IGFL2: variants seen among roughly 807,000 people sequenced by gnomAD.
IGFL2 encodes insulin growth factor-like family member 2.
IGFL2 carries 7 observed loss-of-function variants against 13.9 expected under a neutral mutation model. The ratio of observed to expected loss-of-function variants is 0.51; its 90% confidence interval spans 0.29 to 0.95. IGFL2 has a LOEUF of 0.95. Among genes scored for constraint, IGFL2 ranks in the 40% least tolerant of loss-of-function variants. The pLI is 0.08. For missense variants in IGFL2, 138 were observed against 147.8 expected (o/e 0.93, Z 0.34); for synonymous variants, 55 against 55.8 (o/e 0.99, Z 0.07).
the IGFL2 span, among the ~76,000 whole-genome samples, chr19:46,171,591 T>C: frequency 6.6e-6 from 1 of 152,238 alleles, no homozygotes; most frequent in African/African-American, 2.4e-5. Context: ...AACTGCCTTC[T>C]CTTCCTTGGA....
At chr19:46,128,028 A>G in the IGFL2 span, among the ~76,000 whole-genome samples, 1 of 152,094 alleles carries the variant, frequency 6.6e-6, no homozygotes, top group African/African-American at 2.4e-5. Context: ...TTCTCCTTGT[A>G]GAGATCTTTC....
chr19:46,176,208 C>G, the IGFL2 span, among the ~76,000 whole-genome samples: 1 of 148,314 alleles, frequency 6.7e-6, no homozygotes, highest in East Asian at 2.0e-4. Flanking sequence ...GAAAAGAAAA[C>G]TGGAGAAGGA....
intron 1 of IGFL2, among the ~76,000 whole-genome samples, chr19:46,151,996 T>A (rs1272451942): frequency 6.6e-6 from 1 of 152,218 alleles, no homozygotes; most frequent in East Asian, 1.9e-4. Context: ...GTCTTCCAAT[T>A]TGCGAACATG....
At chr19:46,160,504 A>C in intron 2 of IGFL2, 36 bp downstream of exon 2, 1 of 1,613,238 alleles carries the variant, frequency 6.2e-7, no homozygotes. Flanking sequence ...AAGAGGAAGG[A>C]GGCTGACTTT....
the IGFL2 span, chr19:46,212,735 C>G: frequency 6.6e-6 from 1 of 151,868 alleles, no homozygotes; most frequent in Non-Finnish European, 1.5e-5. Flanking sequence ...CTCTCTCTCT[C>G]TCCTCTCACT....
chr19:46,115,586 G>C, the IGFL2 span, among the ~76,000 whole-genome samples: 1 of 152,216 alleles, frequency 6.6e-6, no homozygotes, highest in Admixed American at 6.5e-5. Context: ...ACCTCAGCCT[G>C]ATTCAGATTC....
chr19:46,184,081 TATTTA>T, the IGFL2 span, among the ~76,000 whole-genome samples: 24 of 152,202 alleles, frequency 1.6e-4, no homozygotes, highest in Non-Finnish European at 5.9e-5. Context: ...GTTTTCTCAT[TATTTA>T]ATTCTAATTT....
the IGFL2 span, among the ~76,000 whole-genome samples, chr19:46,128,249 A>T: frequency 6.6e-6 from 1 of 152,046 alleles, no homozygotes; most frequent in Non-Finnish European, 1.5e-5. Context: ...TTTTGTGGAG[A>T]CTGTAGGGTT....
the IGFL2 span, among the ~76,000 whole-genome samples, chr19:46,117,473 TTTGC>T: frequency 1.3e-5 from 2 of 152,016 alleles, no homozygotes; most frequent in African/African-American, 2.4e-5. Context: ...TGTTTGTTTG[TTTGC>T]TTGCTTGCTT....
the IGFL2 span, among the ~76,000 whole-genome samples, chr19:46,106,156 G>A: frequency 6.6e-6 from 1 of 152,162 alleles, no homozygotes; most frequent in African/African-American, 2.4e-5. Context: ...AATCAGCAGG[G>A]AGAGCACGTG....
chr19:46,160,342 C>T, intron 1 of IGFL2, 73 bp from the exon 2 acceptor site: 1 of 1,390,542 alleles, frequency 7.2e-7, no homozygotes, highest in Non-Finnish European at 1.0e-6. Context: ...CCCACCCTGG[C>T]CTGCCCTCCC....
At chr19:46,165,811 T>C (rs1390877325), downstream of IGFL2, among the ~76,000 whole-genome samples, 1 of 152,198 alleles carries the variant, frequency 6.6e-6, no homozygotes, top group African/African-American at 2.4e-5. Flanking sequence ...GCCGCCTGGG[T>C]TGTCTCTTCT....
At chr19:46,141,215 C>T (rs1458400006), upstream of IGFL2, among the ~76,000 whole-genome samples, 2 of 152,186 alleles carry the variant, frequency 1.3e-5, no homozygotes, top group Non-Finnish European at 2.9e-5. Context: ...GTCAATGCCT[C>T]ACTGCCAGGC....
chr19:46,177,812 A>G, the IGFL2 span, among the ~76,000 whole-genome samples: 1 of 152,108 alleles, frequency 6.6e-6, no homozygotes, highest in African/African-American at 2.4e-5. Flanking sequence ...TAAACCAAAA[A>G]TAAAATCTTC....
chr19:46,101,504 C>G, the IGFL2 span, among the ~76,000 whole-genome samples: 1 of 152,212 alleles, frequency 6.6e-6, no homozygotes, highest in East Asian at 1.9e-4. Flanking sequence ...AGTCCACAAT[C>G]TGCCACAACT....
At chr19:46,084,440 G>C in the IGFL2 span, among the ~76,000 whole-genome samples, 37 of 152,154 alleles carry the variant, frequency 2.4e-4, no homozygotes, top group Non-Finnish European at 5.0e-4. Context: ...TACTATTACT[G>C]CATCTGTCTC....
At chr19:46,105,916 G>A in the IGFL2 span, among the ~76,000 whole-genome samples, 6 of 152,166 alleles carry the variant, frequency 3.9e-5, no homozygotes, top group Non-Finnish European at 8.8e-5. Context: ...GGGTTGGGAT[G>A]AGTTAGGGAG....
chr19:46,172,020 A>T, the IGFL2 span, among the ~76,000 whole-genome samples: 1 of 152,184 alleles, frequency 6.6e-6, no homozygotes, highest in Admixed American at 6.5e-5. Context: ...AAACATCCCT[A>T]ATTCAAAAGG....
chr19:46,093,799 C>G, the IGFL2 span, among the ~76,000 whole-genome samples: 5 of 151,976 alleles, frequency 3.3e-5, no homozygotes, highest in Admixed American at 3.3e-4. Context: ...TCTGTTTGAA[C>G]AATTCAAATT....
Sources: gnomAD v4.1 joint callset for allele counts (sites outside exome capture counted in the v4.1 genomes callset) on GRCh38, gnomAD v4.1.1 for gene constraint, MANE v1.5 for transcripts, NCBI Gene and HGNC (gene_info 2026-07-23, HGNC 2026-07-21) for gene names.